PPP6C: variants seen among roughly 807,000 people sequenced by gnomAD.
PPP6C encodes the protein serine/threonine-protein phosphatase 6 catalytic subunit.
Under a neutral mutation model 39.8 loss-of-function variants are expected in PPP6C, and 11 were observed. The ratio of observed to expected loss-of-function variants is 0.28; its 90% CI spans 0.17 to 0.46. The LOEUF (loss-of-function observed/expected upper bound fraction) is 0.46. Among genes scored for constraint, PPP6C ranks in the 20% least tolerant of loss-of-function variants. PPP6C has a pLI of 1.00. For missense variants in PPP6C, 211 were observed against 373.9 expected (o/e 0.56, Z 3.59); for synonymous variants, 129 against 130.3 (o/e 0.99, Z 0.07).
At chr9:125,167,753 G>A (rs1829054431) in intron 2 of PPP6C, among the ~76,000 whole-genome samples, 1 of 139,846 alleles carries the variant, frequency 7.2e-6, no homozygotes. Flanking sequence ...CAGGCCGGAC[G>A]CAGTGGCTCA....
Position 125,147,904 on chromosome 9 carries a change from C to T in PPP6C, c.*1769G>A, listed in dbSNP as rs1327399257. 5.4e-6 allele frequency: 1 copy of T among 186,112 alleles called. No individual in the cohort carries two copies. The highest frequency in any genetic ancestry group is 1.1e-5 in the Non-Finnish European group (1 of 88,716). The allele number at this position is 186,112 out of a possible 1,614,324, so 11.5% of individuals were successfully genotyped here. ...TCACAATTAGTAAAATACATAGCTA[C>T]ATATCCCTGTGAGATAAAAATACCT... On this transcript the variant is annotated 3_prime_UTR_variant, in exon 7 of 7. Transcript: ENST00000373547.
At chr9:125,188,884 C>A (rs1421216732) in intron 1 of PPP6C, 4 of 1,523,278 alleles carry the variant, frequency 2.6e-6, no homozygotes, top group Non-Finnish European at 3.6e-6. Context: ...CATACATTTA[C>A]TCTTACTTGG....
At chr9:125,160,721 T>C in intron 3 of PPP6C, 120 bp downstream of exon 3, 1 of 667,132 alleles carries the variant, frequency 1.5e-6, no homozygotes, top group Non-Finnish European at 2.3e-6. Flanking sequence ...CTAATACACA[T>C]CTTTTAATAT....
chr9:125,185,240 A>G (rs965193032), intron 1 of PPP6C, among the ~76,000 whole-genome samples: 61 of 150,238 alleles, frequency 4.1e-4, no homozygotes, highest in African/African-American at 1.5e-3. Context: ...TTACTTTCAC[A>G]TATGTCATTT....
chr9:125,165,264 T>A (rs1828987618), intron 2 of PPP6C, among the ~76,000 whole-genome samples: 1 of 152,072 alleles, frequency 6.6e-6, no homozygotes, highest in Non-Finnish European at 1.5e-5. Flanking sequence ...CCAGGCACGG[T>A]GACTCACACC....
At chr9:125,187,639 A>G (rs1021485434) in intron 1 of PPP6C, among the ~76,000 whole-genome samples, 6 of 152,014 alleles carry the variant, frequency 3.9e-5, no homozygotes, top group Non-Finnish European at 7.3e-5. Context: ...AGCTTTATGC[A>G]TGATAAATAA....
chr9:125,172,180 A>G (rs1201016602), intron 1 of PPP6C, among the ~76,000 whole-genome samples: 2 of 152,092 alleles, frequency 1.3e-5, no homozygotes, highest in African/African-American at 4.8e-5. Flanking sequence ...CTGTCCCAAA[A>G]GGTTATATAC....
intron 2 of PPP6C, among the ~76,000 whole-genome samples, chr9:125,162,466 A>G (rs1828902397): frequency 1.1e-5 from 1 of 87,958 alleles, no homozygotes; most frequent in South Asian, 3.5e-4. Context: ...TCAAAAAAAA[A>G]AAAAAAAAAA....
At chr9:125,172,492 G>A (rs887300485) in intron 1 of PPP6C, among the ~76,000 whole-genome samples, 9 of 152,144 alleles carry the variant, frequency 5.9e-5, no homozygotes, top group Admixed American at 3.9e-4. Context: ...CAGGCATTGA[G>A]CCACTGCACT....
chr9:125,185,428 T>C (rs192873978), intron 1 of PPP6C, among the ~76,000 whole-genome samples: 86 of 152,174 alleles, frequency 5.7e-4, no homozygotes, highest in Admixed American at 4.3e-3. Context: ...GCATGGTGGC[T>C]CACGCCTGTA....
At chr9:125,162,084 G>T (rs1828888130) in intron 2 of PPP6C, among the ~76,000 whole-genome samples, 1 of 147,766 alleles carries the variant, frequency 6.8e-6, no homozygotes, top group Admixed American at 6.8e-5. Flanking sequence ...AGTCTAAAAA[G>T]TCAGACAAAA....
intron 6 of PPP6C, chr9:125,151,189 G>A (rs1179548005): frequency 6.7e-7 from 1 of 1,495,280 alleles, no homozygotes; most frequent in Non-Finnish European, 9.3e-7. Context: ...CTCCATTGCA[G>A]ACAGGCTGAA....
intron 1 of PPP6C, among the ~76,000 whole-genome samples, chr9:125,180,082 T>C (rs1829390705): frequency 6.6e-6 from 1 of 152,182 alleles, no homozygotes. Flanking sequence ...TAATCAATTT[T>C]AGGACACTTT....
At position 125,147,941 on chromosome 9, in the gene PPP6C, T is replaced by C. The variant is rs1835848544; in HGVS notation, c.*1732A>G. ...AGATAAAAATACCTTTCCACCTGAA[T>C]TACACTGGGATCAGGGCAGTAACAC... On this transcript the variant is annotated 3_prime_UTR_variant, in exon 7 of 7. Transcript: ENST00000373547. 1 of 186,198 alleles carries C rather than the reference T, an allele frequency of 5.4e-6. No homozygotes were observed. Among genetic ancestry groups the C allele is most frequent in the South Asian group, 1.4e-4 (1 of 7,004 alleles). The allele number at this position is 186,198 out of a possible 1,614,324, so 11.5% of individuals were successfully genotyped here.
Position 125,189,798 on chromosome 9 carries a change from A to C in PPP6C, c.-80T>G. On this transcript the variant is annotated 5_prime_UTR_variant, in exon 1 of 7. Coordinates refer to ENST00000373547, the MANE Select transcript of PPP6C (RefSeq NM_002721.5). ...CGGCAGCGGCGGAGGCCGAAGCCGG[A>C]ACTTTCCCTGCGTCACGTCCGGCCC... 1 of 1,480,134 alleles carries C rather than the reference A, an allele frequency of 6.8e-7. No homozygotes were observed. Among genetic ancestry groups the C allele is most frequent in the South Asian group, 1.3e-5 (1 of 77,286 alleles). The allele number at this position is 1,480,134 out of a possible 1,614,324, so 91.7% of individuals were successfully genotyped here.
In PPP6C at chr9:125,146,895, G is replaced by A. The variant is rs1835825467; in HGVS notation, c.*2778C>T. ...GAAAGAGTCCTAATTTGCTTTCACA[G>A]TACAGGCATTTTCCAAAACCTGGTT... On this transcript the variant is annotated 3_prime_UTR_variant, in exon 7 of 7. Coordinates refer to ENST00000373547, the MANE Select transcript of PPP6C (RefSeq NM_002721.5). 1 of 152,172 alleles carries A rather than the reference G, an allele frequency of 6.6e-6. No homozygotes were observed. The highest frequency in any genetic ancestry group is 6.5e-5 in the Admixed American group (1 of 15,270). 9.4% of individuals were successfully genotyped at this position (152,172 alleles called of 1,614,324 possible).
At chr9:125,180,472 C>T (rs181442789) in intron 1 of PPP6C, among the ~76,000 whole-genome samples, 19 of 152,186 alleles carry the variant, frequency 1.2e-4, no homozygotes, top group Admixed American at 9.8e-4. Flanking sequence ...ACCCAGGCTG[C>T]AGTGCAATGG....
chr9:125,155,421 A>AT (rs1836044617), intron 4 of PPP6C, among the ~76,000 whole-genome samples: 1 of 152,194 alleles, frequency 6.6e-6, no homozygotes, highest in Non-Finnish European at 1.5e-5. Flanking sequence ...TGTTATGTAA[A>AT]CTTGCCATAA....
intron 2 of PPP6C, among the ~76,000 whole-genome samples, chr9:125,163,910 C>T (rs1828951695): frequency 6.7e-6 from 1 of 149,934 alleles, no homozygotes; most frequent in Non-Finnish European, 1.5e-5. Flanking sequence ...TGCAATGGCA[C>T]GATCTCAGCT....
Sources: gnomAD v4.1 joint callset for allele counts (sites outside exome capture counted in the v4.1 genomes callset) on GRCh38, gnomAD v4.1.1 for gene constraint, MANE v1.5 for transcripts, NCBI Gene and HGNC (gene_info 2026-07-23, HGNC 2026-07-21) for gene names.